Variants in TNRC18 observed in about 807,000 individuals in gnomAD.
TNRC18 encodes the protein trinucleotide repeat-containing gene 18 protein.
Under a neutral mutation model 226.7 loss-of-function variants are expected in TNRC18, and 69 were observed. The ratio of observed to expected loss-of-function variants is 0.30; its 90% CI spans 0.25 to 0.37. The LOEUF (loss-of-function observed/expected upper bound fraction) is 0.37. Among genes scored for constraint, TNRC18 ranks in the 10% least tolerant of loss-of-function variants. The pLI, the probability that TNRC18 is intolerant of heterozygous loss-of-function variation, is 1.00. For missense variants in TNRC18, 4,754 were observed against 4,256.6 expected (o/e 1.12, Z -3.25); for synonymous variants, 2,449 against 1,927.6 (o/e 1.27, Z -7.09).
At chr7:5,345,517 G>GGGGGGGCCCCCCCCCCC in intron 18 of TNRC18, 45 bp downstream of exon 18, 2 of 377,744 alleles carry the variant, frequency 5.3e-6, no homozygotes, top group East Asian at 4.6e-5. Flanking sequence ...AATGGCGTCC[G>GGGGGGGCCCCCCCCCCC]CCCCTCCCAC....
Position 5,386,314 on chromosome 7 carries a change from A to T in TNRC18, c.2152+1358T>A, listed in dbSNP as rs28767812. On this transcript the variant is annotated intron_variant, in intron 5 of 29. Coordinates refer to ENST00000430969, the MANE Select transcript of TNRC18 (RefSeq NM_001080495.3). Reference sequence around the variant, plus strand: ...AAAAACAACAAAAAAAAAGTGACACAGGTAGGAGATTCAGTACTTTCGGAG... The same window carrying T: ...AAAAACAACAAAAAAAAAGTGACACTGGTAGGAGATTCAGTACTTTCGGAG... Among the ~76,000 whole-genome samples the T allele has an allele frequency of 3.9e-3, 598 of 151,902 alleles. 3 individuals carry two copies. Among genetic ancestry groups the T allele is most frequent in the African/African-American group, 0.014 (575 of 41,406 alleles).
In TNRC18 at chr7:5,361,950, C is replaced by G. The variant is rs1793102631; in HGVS notation, c.4479G>C (p.Gln1493His). ...CCAGCTCACGCTGCTTCTCCTTGTACTGGCGCTGCACCTCGGCCAGCCGCA... is the reference window on the plus strand; with the variant it reads ...CCAGCTCACGCTGCTTCTCCTTGTAGTGGCGCTGCACCTCGGCCAGCCGCA... ...FRMRLAEVQR[Q>H]YKEKQRELVK... Residue 1493 changes from glutamine to histidine, a missense_variant, in exon 13 of 30, where the codon CAG (glutamine) becomes CAC (histidine). Transcript: ENST00000430969. The G allele has an allele frequency of 6.2e-7, 1 of 1,610,668 alleles. No individual in the cohort carries two copies. Among genetic ancestry groups the G allele is most frequent in the Non-Finnish European group, 8.5e-7 (1 of 1,178,914 alleles).
chr7:5,362,436 AG>A (rs1392430229), intron 12 of TNRC18, among the ~76,000 whole-genome samples: 1 of 152,104 alleles, frequency 6.6e-6, no homozygotes, highest in Admixed American at 6.5e-5. Flanking sequence ...CTGTGTGATG[AG>A]CCTGACATGC....
intron 29 of TNRC18, 119 bp from the exon 30 acceptor site, chr7:5,308,431 C>G (rs1178354478): frequency 1.5e-5 from 14 of 911,528 alleles, no homozygotes; most frequent in Non-Finnish European, 1.8e-5. Flanking sequence ...AGACAGAGAC[C>G]AAGTCAGAGA....
chr7:5,331,544 G>A (rs910565657), intron 19 of TNRC18, among the ~76,000 whole-genome samples: 6 of 152,174 alleles, frequency 3.9e-5, no homozygotes, highest in African/African-American at 1.4e-4. Flanking sequence ...AAACCACAGA[G>A]TCTTGCAGCA....
chr7:5,386,546 T>A (rs1373309114), intron 5 of TNRC18, among the ~76,000 whole-genome samples: 5 of 149,868 alleles, frequency 3.3e-5, no homozygotes, highest in Admixed American at 1.3e-4. Context: ...TGTACTCCAG[T>A]CTGGGCAACA....
Position 5,389,316 on chromosome 7 carries a change from C to T in TNRC18, c.508G>A (p.Ala170Thr). 1 of 1,281,716 alleles carries T rather than the reference C, an allele frequency of 7.8e-7. No homozygotes were observed. The highest frequency in any genetic ancestry group is 2.7e-5 in the South Asian group (1 of 37,222). 79.4% of individuals were successfully genotyped at this position (1,281,716 alleles called of 1,614,324 possible). ...GAGTGCAGGGAGCCCGGAGCCCCCG[C>T]GGTGGGCAGGTAGAAACCGTCTGCG... ...PGGDGFYLPT[A>T]GAPGSLHSHA... Residue 170 changes from alanine to threonine, a missense_variant, in exon 5 of 30, where the codon GCG becomes ACG. By Grantham distance (58) the Ala-to-Thr change is moderately conservative (BLOSUM62 0). Transcript: ENST00000430969.
In TNRC18 at chr7:5,309,008, AG is replaced by A; in HGVS notation, c.8626-60del. 1 of 1,548,980 alleles carries A rather than the reference AG, an allele frequency of 6.5e-7. No individual in the cohort carries two copies. The highest frequency in any genetic ancestry group is 1.4e-5 in the African/African-American group (1 of 73,500). On this transcript the variant is annotated intron_variant, in intron 28 of 29. Transcript: ENST00000430969. This position sits in a 1 kb window ranked among gnomAD's most constrained non-coding sequence, Gnocchi z 5.7. ...CCCGGGGGCTGCTGCACCCGACCCC[AG>A]GCCCCAGGACAGGGCTGACCCACTG...
At chr7:5,381,019 TCTGTCCCCCCGA>T (rs887057849) in intron 5 of TNRC18, among the ~76,000 whole-genome samples, 44 of 152,198 alleles carry the variant, frequency 2.9e-4, no homozygotes, top group Admixed American at 2.8e-3. Context: ...CCCCAAGCCC[TCTGTCCCCCCGA>T]CTGTCCCGGC....
intron 5 of TNRC18, among the ~76,000 whole-genome samples, chr7:5,384,457 A>G (rs1322403475): frequency 6.6e-6 from 1 of 152,138 alleles, no homozygotes; most frequent in Non-Finnish European, 1.5e-5. Flanking sequence ...GCAGCTTCAG[A>G]TAAATCCCCA....
intron 2 of TNRC18, among the ~76,000 whole-genome samples, chr7:5,411,906 T>G (rs1186551382): frequency 2.6e-5 from 4 of 152,274 alleles, no homozygotes; most frequent in Non-Finnish European, 5.9e-5. Context: ...GAAGGCTGGC[T>G]GGGCATGGTA....
intron 25 of TNRC18, 68 bp from the exon 26 acceptor site, chr7:5,315,216 G>A: frequency 5.9e-6 from 9 of 1,515,068 alleles, no homozygotes; most frequent in Non-Finnish European, 7.1e-6. Flanking sequence ...CAAGACCCTG[G>A]TCTGTCCCGG....
At chr7:5,419,157 C>T (rs1013727276) in intron 2 of TNRC18, among the ~76,000 whole-genome samples, 4 of 152,260 alleles carry the variant, frequency 2.6e-5, no homozygotes, top group Non-Finnish European at 5.9e-5. Context: ...TTCCCTCCAC[C>T]TCAGCCTCAC....
chr7:5,394,649 G>T lies in TNRC18; in HGVS notation c.188-54C>A. On this transcript the variant is annotated intron_variant, in intron 2 of 29. Transcript: ENST00000430969. The surrounding 1 kb of genome is among the most constrained non-coding windows in gnomAD (Gnocchi z 4.5). ...GGCAGACAACCAGGGAGGCGCCGCCGCCCCAGCCCACCGCCCCGACCCACC... is the reference window on the plus strand; with the variant it reads ...GGCAGACAACCAGGGAGGCGCCGCCTCCCCAGCCCACCGCCCCGACCCACC... The T allele has an allele frequency of 7.1e-7, 1 of 1,411,946 alleles. No individual in the cohort carries two copies. The allele number at this position is 1,411,946 out of a possible 1,614,324, so 87.5% of individuals were successfully genotyped here.
chr7:5,413,532 CTTTT>C (rs969950361), intron 2 of TNRC18, among the ~76,000 whole-genome samples: 11 of 152,264 alleles, frequency 7.2e-5, no homozygotes, highest in African/African-American at 2.2e-4. Context: ...AGCCTCGTTT[CTTTT>C]ATGTTTTGAC....
intron 2 of TNRC18, among the ~76,000 whole-genome samples, chr7:5,406,841 A>G (rs1781501079): frequency 6.9e-6 from 1 of 145,386 alleles, no homozygotes; most frequent in Non-Finnish European, 1.5e-5. Flanking sequence ...ACAGAGCGAG[A>G]CTCTGTCTCA....
At chr7:5,358,058 A>G (rs906337118) in intron 15 of TNRC18, among the ~76,000 whole-genome samples, 5 of 152,184 alleles carry the variant, frequency 3.3e-5, no homozygotes, top group Non-Finnish European at 5.9e-5. Context: ...AATCAAGATC[A>G]AAAACCCAGA....
Position 5,312,485 on chromosome 7 carries a change from G to T in TNRC18, c.8388+18C>A. On this transcript the variant is annotated intron_variant, in intron 27 of 29. Coordinates refer to ENST00000430969, the MANE Select transcript of TNRC18 (RefSeq NM_001080495.3). This position sits in a 1 kb window ranked among gnomAD's most constrained non-coding sequence, Gnocchi z 6.3. ...GGCCCCCGGCCCCTCGGCCGTGCCC[G>T]GGCGCGAGCTTGCTCACCTGGGTGG... 6.2e-7 allele frequency: 1 copy of T among 1,608,026 alleles called. No individual in the cohort carries two copies. Among genetic ancestry groups the T allele is most frequent in the South Asian group, 1.1e-5 (1 of 90,742 alleles).
chr7:5,383,801 T>G (rs1421900147), intron 5 of TNRC18, among the ~76,000 whole-genome samples: 1 of 151,978 alleles, frequency 6.6e-6, no homozygotes, highest in Non-Finnish European at 1.5e-5. Context: ...CCTACTTTTT[T>G]GTTCTTTTAG....
Sources: gnomAD v4.1 joint callset for allele counts (sites outside exome capture counted in the v4.1 genomes callset) on GRCh38, gnomAD v4.1.1 for gene constraint, Gnocchi (gnomAD v3.1) non-coding constraint, MANE v1.5 for transcripts, NCBI Gene and HGNC (gene_info 2026-07-23, HGNC 2026-07-21) for gene names.